CTNNA2: variants seen among roughly 807,000 people sequenced by gnomAD.
The protein encoded by CTNNA2 is catenin alpha 2.
CTNNA2 carries 42 observed loss-of-function variants against 101.0 expected under a neutral mutation model. That is an observed-to-expected ratio of 0.42 (90% CI 0.32 to 0.54). CTNNA2 has a LOEUF of 0.54. CTNNA2 is among the 20% of genes least tolerant of loss of function. CTNNA2 has a pLI of 0.14. For missense variants in CTNNA2, 871 were observed against 1,223.1 expected, an observed-to-expected ratio of 0.71 and a Z score of 4.29; for synonymous variants, 450 against 456.4, an observed-to-expected ratio of 0.99 and a Z score of 0.18.
chr2:80,533,325 C>G (rs544408888), intron 9 of CTNNA2, among the ~76,000 whole-genome samples: 7 of 152,030 alleles, frequency 4.6e-5, no homozygotes, highest in Non-Finnish European at 1.0e-4. Flanking sequence ...GCGGAGGCAT[C>G]CCCTCCGCAA....
chr2:79,489,717 G>T (rs1014013948), intron 4 of CTNNA2, among the ~76,000 whole-genome samples: 1 of 152,178 alleles, frequency 6.6e-6, no homozygotes, highest in African/African-American at 2.4e-5. Flanking sequence ...ATTTGAGGAA[G>T]AAAGGAAAAC....
chr2:79,284,639 A>T (rs1330319941), intron 2 of CTNNA2, among the ~76,000 whole-genome samples: 2 of 149,384 alleles, frequency 1.3e-5, no homozygotes, highest in Non-Finnish European at 3.0e-5. Context: ...AAGCTTTTTG[A>T]TGTGCTGCTG....
intron 3 of CTNNA2, among the ~76,000 whole-genome samples, chr2:79,324,882 A>G (rs1676710992): frequency 6.6e-6 from 1 of 152,174 alleles, no homozygotes; most frequent in South Asian, 2.1e-4. Flanking sequence ...ATTTAACACT[A>G]CCAGAAATGA....
intron 1 of CTNNA2, among the ~76,000 whole-genome samples, chr2:79,575,280 C>T (rs1043263108): frequency 2.0e-5 from 3 of 152,094 alleles, no homozygotes; most frequent in Non-Finnish European, 4.4e-5. Flanking sequence ...TGTGTCTGCC[C>T]ATAACATTCT....
chr2:80,306,892 T>C (rs1193052648), intron 7 of CTNNA2, among the ~76,000 whole-genome samples: 1 of 151,994 alleles, frequency 6.6e-6, no homozygotes, highest in Non-Finnish European at 1.5e-5. Flanking sequence ...TGTCACTTGA[T>C]TTGTAGAGCT....
intron 2 of CTNNA2, among the ~76,000 whole-genome samples, chr2:79,240,397 A>T (rs1674611974): frequency 6.6e-6 from 1 of 151,978 alleles, no homozygotes; most frequent in African/African-American, 2.4e-5. Flanking sequence ...GGTAAGTCCC[A>T]GTGTCTGTTC....
intron 12 of CTNNA2, among the ~76,000 whole-genome samples, chr2:80,560,914 T>G (rs749082647): frequency 3.9e-5 from 6 of 152,188 alleles, no homozygotes; most frequent in Non-Finnish European, 8.8e-5. Flanking sequence ...ATTGATTAAA[T>G]GAATACCAAA....
intron 9 of CTNNA2, among the ~76,000 whole-genome samples, chr2:80,468,069 C>T (rs527283288): frequency 9.2e-5 from 14 of 152,080 alleles, no homozygotes; most frequent in Non-Finnish European, 1.6e-4. Flanking sequence ...CTGTTGCTAC[C>T]AGTGTCCTTA....
intron 2 of CTNNA2, among the ~76,000 whole-genome samples, chr2:79,691,224 C>T (rs1243012999): frequency 6.6e-6 from 1 of 151,950 alleles, no homozygotes; most frequent in Non-Finnish European, 1.5e-5. Context: ...TAGCCTAAAT[C>T]TGCATTATCT....
chr2:79,355,033 G>T (rs558806988), intron 3 of CTNNA2, among the ~76,000 whole-genome samples: 2 of 152,188 alleles, frequency 1.3e-5, no homozygotes, highest in Admixed American at 1.3e-4. Context: ...AAGATCAGCT[G>T]GTTGTAGGTA....
In CTNNA2 at chr2:80,619,213, C is replaced by T; in HGVS notation, c.2559C>T (p.Ser853=). ...AGGGAGCTCCGATCGGGAGTGGAAG[C>T]AGTGATTCCTCCATGGTGAGTAAAT... ...CAEGAPIGSG[S]SDSSMLDSAT... The change falls in exon 18 of 19, where the codon AGC becomes AGT. Residue 853 remains serine, a synonymous_variant. Transcript: ENST00000402739. 1 of 1,576,676 alleles carries T rather than the reference C, an allele frequency of 6.3e-7. No homozygotes were observed. Among genetic ancestry groups the T allele is most frequent in the Non-Finnish European group, 8.6e-7 (1 of 1,162,190 alleles).
chr2:79,930,281 AGAG>A (rs1558650749), intron 7 of CTNNA2, among the ~76,000 whole-genome samples: 7 of 91,008 alleles, frequency 7.7e-5, no homozygotes, highest in African/African-American at 1.6e-4. Flanking sequence ...AAAGAAAGAG[AGAG>A]AGAGAGAAAG....
At chr2:79,251,629 A>G (rs900249332) in intron 2 of CTNNA2, among the ~76,000 whole-genome samples, 6 of 152,070 alleles carry the variant, frequency 3.9e-5, no homozygotes, top group Non-Finnish European at 8.8e-5. Flanking sequence ...GTTGTGATCA[A>G]TCTTATTCAG....
intron 2 of CTNNA2, among the ~76,000 whole-genome samples, chr2:79,218,342 TG>T (rs1558577161): frequency 6.5e-4 from 51 of 78,982 alleles, no homozygotes; most frequent in African/African-American, 2.0e-3. Flanking sequence ...TGTGTGTGTG[TG>T]TGTGTGTATT....
At position 80,360,944 on chromosome 2, in the gene CTNNA2, C is replaced by T. The variant is rs186075264; in HGVS notation, c.1057-32267C>T. ...GTGTTTATTATTATTAATTATTAAA[C>T]GTATTATAGTGGGTTTTTTTTAAAT... On this transcript the variant is annotated intron_variant, in intron 7 of 18. Coordinates refer to ENST00000402739, the MANE Select transcript of CTNNA2 (RefSeq NM_001282597.3). 4.2e-4 allele frequency among the ~76,000 whole-genome samples: 64 copies of T among 151,776 alleles called. No individual in the cohort carries two copies. In the East Asian group the frequency reaches 4.6e-3, roughly 11 times the overall value.
intron 6 of CTNNA2, among the ~76,000 whole-genome samples, chr2:79,892,694 A>G (rs1684396230): frequency 6.6e-6 from 1 of 152,212 alleles, no homozygotes; most frequent in African/African-American, 2.4e-5. Context: ...ATTTCTGAAG[A>G]TAACTAGCTA....
chr2:79,772,305 T>G (rs138019234), intron 3 of CTNNA2, among the ~76,000 whole-genome samples: 1 of 152,330 alleles, frequency 6.6e-6, no homozygotes, highest in East Asian at 1.9e-4. Flanking sequence ...CCCTGAAGAC[T>G]CAATCTCTCA....
intron 6 of CTNNA2, among the ~76,000 whole-genome samples, chr2:79,879,163 T>C (rs1195649695): frequency 2.6e-5 from 4 of 152,326 alleles, no homozygotes; most frequent in Middle Eastern, 3.4e-3. Flanking sequence ...GTCTCTCTTC[T>C]GTTCCGTTGG....
At chr2:79,554,468 G>C (rs1325452797) in intron 1 of CTNNA2, among the ~76,000 whole-genome samples, 1 of 152,072 alleles carries the variant, frequency 6.6e-6, no homozygotes, top group Non-Finnish European at 1.5e-5. Context: ...GTACTATAGA[G>C]AGCACTTACA....
Sources: allele counts gnomAD v4.1 joint callset (sites outside exome capture counted in the v4.1 genomes callset), GRCh38; gene constraint gnomAD v4.1.1; transcripts MANE v1.5; gene names NCBI Gene and HGNC (gene_info 2026-07-23, HGNC 2026-07-21).